LRRTM4: variants seen among roughly 807,000 people sequenced by gnomAD.
LRRTM4 encodes leucine rich repeat transmembrane neuronal 4.
In LRRTM4, 25 loss-of-function variants were observed where a neutral mutation model predicts 47.6. The ratio of observed to expected loss-of-function variants is 0.53; its 90% CI spans 0.38 to 0.73. The LOEUF is 0.73. LRRTM4 is among the 30% of genes least tolerant of loss of function. The pLI is 0.00. For synonymous variants in LRRTM4, 311 were observed against 269.5 expected (o/e 1.15, Z -1.51); for missense variants, 638 against 713.4 (o/e 0.89, Z 1.20).
chr2:77,319,324 T>C (rs1369993221), intron 3 of LRRTM4, among the ~76,000 whole-genome samples: 2 of 151,682 alleles, frequency 1.3e-5, no homozygotes, highest in East Asian at 3.9e-4. Context: ...GAGGCGGAGG[T>C]TGCAGTGAGC....
At chr2:77,085,173 G>C (rs1196624686) in intron 3 of LRRTM4, among the ~76,000 whole-genome samples, 1 of 151,756 alleles carries the variant, frequency 6.6e-6, no homozygotes, top group Non-Finnish European at 1.5e-5. Context: ...AAATATTTTA[G>C]GCTACTATTG....
chr2:77,450,948 A>AAAG lies in LRRTM4; in HGVS notation c.1551+67367_1551+67369dup, dbSNP rs1317458635. Among the ~76,000 whole-genome samples, 4 of 152,292 alleles carry AAAG rather than the reference A, an allele frequency of 2.6e-5. No individual in the cohort carries two copies. The South Asian group carries it at 8.3e-4, about 32-fold the overall frequency. Reference sequence around the variant, plus strand: ...TAATTTTTAAATGTATTTAGCATTCAAAGAGTTCAACAATCTAACTAAGTA... The same window carrying AAAG: ...TAATTTTTAAATGTATTTAGCATTCAAAGAAGAGTTCAACAATCTAACTAAGTA... On this transcript the variant is annotated intron_variant, in intron 3 of 3. Transcript: ENST00000409884.
At position 77,138,790 on chromosome 2, in the gene LRRTM4, T is replaced by C. The variant is rs1672027501; in HGVS notation, c.1551+379528A>G. ...ACGCAATAAAAAATGATAAAGGGGA[T>C]ATCACCACCGATCCCACAGAAATAT... On this transcript the variant is annotated intron_variant, in intron 3 of 3. Coordinates refer to ENST00000409884, the MANE Select transcript of LRRTM4 (RefSeq NM_001134745.3). Among the ~76,000 whole-genome samples, 3 of 151,968 alleles carry C rather than the reference T, an allele frequency of 2.0e-5. No individual in the cohort carries two copies. The South Asian group carries it at 6.2e-4, about 32-fold the overall frequency.
At chr2:77,444,977 G>GA (rs59871120) in intron 3 of LRRTM4, among the ~76,000 whole-genome samples, 3,476 of 137,114 alleles carry the variant, frequency 0.025, 111 homozygotes, top group African/African-American at 0.072. Context: ...ACACGATCCG[G>GA]AAAAAAAAAA....
At chr2:77,296,876 C>A (rs1006437656) in intron 3 of LRRTM4, among the ~76,000 whole-genome samples, 1 of 152,152 alleles carries the variant, frequency 6.6e-6, no homozygotes, top group African/African-American at 2.4e-5. Flanking sequence ...TTTTCTCGTT[C>A]TGAGTTAAGA....
Position 77,166,936 on chromosome 2 carries a change from G to A in LRRTM4, c.1551+351382C>T, listed in dbSNP as rs567989747. Among the ~76,000 whole-genome samples, 312 of 152,028 alleles carry A rather than the reference G, an allele frequency of 2.1e-3. 1 individual carries two copies. Among genetic ancestry groups the A allele is most frequent in the African/African-American group, 6.1e-3 (254 of 41,504 alleles). On this transcript the variant is annotated intron_variant, in intron 3 of 3. Coordinates refer to ENST00000409884, the MANE Select transcript of LRRTM4 (RefSeq NM_001134745.3). ...CTAAAACACCAAAAGCAATGGCAAC[G>A]AAAGCCAAAATTGACAAATGGGATC...
intron 3 of LRRTM4, among the ~76,000 whole-genome samples, chr2:76,901,252 C>G (rs1386194773): frequency 7.9e-5 from 12 of 152,204 alleles, no homozygotes; most frequent in Admixed American, 7.2e-4. Flanking sequence ...CTTCCTGTGT[C>G]CATGTGATCT....
intron 3 of LRRTM4, among the ~76,000 whole-genome samples, chr2:77,400,659 G>C (rs1052390689): frequency 6.6e-6 from 1 of 151,690 alleles, no homozygotes; most frequent in Admixed American, 6.6e-5. Context: ...GTACTCCTCC[G>C]GGCTAGATAT....
At chr2:76,860,661 T>C (rs1379846880) in intron 3 of LRRTM4, among the ~76,000 whole-genome samples, 5 of 152,088 alleles carry the variant, frequency 3.3e-5, no homozygotes, top group African/African-American at 1.2e-4. Flanking sequence ...ACTGTTCTGT[T>C]TGCACTTCTT....
intron 3 of LRRTM4, among the ~76,000 whole-genome samples, chr2:77,069,511 T>A (rs1033820198): frequency 6.6e-6 from 1 of 152,018 alleles, no homozygotes; most frequent in African/African-American, 2.4e-5. Context: ...AATTCCCCAG[T>A]GAAGCCATCT....
At chr2:77,268,205 A>G (rs775688134) in intron 3 of LRRTM4, among the ~76,000 whole-genome samples, 4 of 152,134 alleles carry the variant, frequency 2.6e-5, no homozygotes, top group Non-Finnish European at 4.4e-5. Flanking sequence ...CCCACTAGAC[A>G]TGTGCAGTAA....
intron 3 of LRRTM4, among the ~76,000 whole-genome samples, chr2:76,915,759 TAAAG>T (rs147884280): frequency 0.015 from 2,220 of 152,222 alleles, 58 homozygotes; most frequent in East Asian, 0.085. Flanking sequence ...AAATTTCAAA[TAAAG>T]AAACATTTTG....
chr2:76,838,142 AC>A (rs1671571849), intron 3 of LRRTM4, among the ~76,000 whole-genome samples: 1 of 151,908 alleles, frequency 6.6e-6, no homozygotes, highest in African/African-American at 2.4e-5. Flanking sequence ...GTATGTTCAA[AC>A]TATTAGTACT....
At chr2:77,373,094 T>A (rs1168519828) in intron 3 of LRRTM4, among the ~76,000 whole-genome samples, 162 of 133,608 alleles carry the variant, frequency 1.2e-3, no homozygotes, top group Middle Eastern at 3.6e-3. Flanking sequence ...AAAAAATATA[T>A]ATATATATAT....
At chr2:77,154,790 G>T (rs1042229847) in intron 3 of LRRTM4, among the ~76,000 whole-genome samples, 1 of 152,022 alleles carries the variant, frequency 6.6e-6, no homozygotes, top group African/African-American at 2.4e-5. Flanking sequence ...TACAGTTAGG[G>T]CATGCATGGG....
intron 3 of LRRTM4, among the ~76,000 whole-genome samples, chr2:76,898,881 G>A (rs2103737038): frequency 6.6e-6 from 1 of 151,678 alleles, no homozygotes; most frequent in South Asian, 2.1e-4. Flanking sequence ...TACATACGTT[G>A]TAGACCATTT....
At chr2:76,780,027 G>A (rs1416566193) in intron 3 of LRRTM4, among the ~76,000 whole-genome samples, 3 of 152,242 alleles carry the variant, frequency 2.0e-5, no homozygotes, top group Non-Finnish European at 2.9e-5. Flanking sequence ...ATGAAGCTTA[G>A]TTTGGCTGGA....
At chr2:77,438,045 G>T (rs1675672453) in intron 3 of LRRTM4, among the ~76,000 whole-genome samples, 1 of 152,078 alleles carries the variant, frequency 6.6e-6, no homozygotes, top group African/African-American at 2.4e-5. Flanking sequence ...TTTAGATTAA[G>T]GATGCTATGT....
intron 3 of LRRTM4, among the ~76,000 whole-genome samples, chr2:76,847,469 T>C (rs1424351486): frequency 6.6e-6 from 1 of 152,118 alleles, no homozygotes; most frequent in Non-Finnish European, 1.5e-5. Context: ...CAACCCCTTT[T>C]CTATATAGGT....
Sources: allele counts gnomAD v4.1 joint callset (sites outside exome capture counted in the v4.1 genomes callset), GRCh38; gene constraint gnomAD v4.1.1; transcripts MANE v1.5; gene names NCBI Gene and HGNC (gene_info 2026-07-23, HGNC 2026-07-21).